UST: variants seen among roughly 807,000 people sequenced by gnomAD.
UST encodes uronyl 2-sulfotransferase.
In UST, 21 loss-of-function variants were observed where a neutral mutation model predicts 45.6. The ratio of observed to expected loss-of-function variants is 0.46; its 90% confidence interval spans 0.33 to 0.66. UST has a LOEUF of 0.66. UST is among the 30% of genes least tolerant of loss of function. The pLI, the probability that UST is intolerant of heterozygous loss-of-function variation, is 0.02. For missense variants in UST, 463 were observed against 512.4 expected, an observed-to-expected ratio of 0.90 and a Z score of 0.93; for synonymous variants, 215 against 200.6, an observed-to-expected ratio of 1.07 and a Z score of -0.61.
Position 148,877,553 on chromosome 6 carries a change from GA to G in UST, c.248-9432del, listed in dbSNP as rs141464989. Among the ~76,000 whole-genome samples, 382 of 109,508 alleles carry G rather than the reference GA, an allele frequency of 3.5e-3. 2 individuals are homozygous for G. The highest frequency in any genetic ancestry group is 4.3e-3 in the Middle Eastern group (1 of 232). The allele number at this position is 109,508 out of a possible 152,430, so 71.8% of individuals were successfully genotyped here. On this transcript the variant is annotated intron_variant, in intron 1 of 7. Transcript: ENST00000367463. ...CAGGGGATCGTGTTTGAGTGCAGGGGATCGTGTATGAGTGCAGGGGTCGTGT... is the reference window on the plus strand; with the variant it reads ...CAGGGGATCGTGTTTGAGTGCAGGGGTCGTGTATGAGTGCAGGGGTCGTGT...
At chr6:148,753,409 C>A (rs922539630) in intron 1 of UST, among the ~76,000 whole-genome samples, 2 of 152,142 alleles carry the variant, frequency 1.3e-5, no homozygotes, top group African/African-American at 4.8e-5. Flanking sequence ...TGATTGGCTT[C>A]TTTTACTTGA....
rs188397841 is a variant in UST, at chr6:148,989,943, G to A, written c.681+25380G>A. ...ATTTAGATGGAAGAATGTCTAAGTC[G>A]ATGAAAATCCAACTAAAGAAACATT... On this transcript the variant is annotated intron_variant, in intron 5 of 7. Coordinates refer to ENST00000367463, the MANE Select transcript of UST (RefSeq NM_005715.3). Among the ~76,000 whole-genome samples, 54 of 152,270 alleles carry A rather than the reference G, an allele frequency of 3.5e-4. No individual in the cohort carries two copies. The East Asian group carries it at 8.5e-3, about 24-fold the overall frequency.
chr6:148,956,351 C>T (rs1209115857), intron 4 of UST, among the ~76,000 whole-genome samples: 9 of 148,700 alleles, frequency 6.1e-5, no homozygotes, highest in South Asian at 2.2e-4. Flanking sequence ...TGGCAGGAGT[C>T]GAAAGGCACT....
At chr6:148,841,221 TA>T (rs1777881752) in intron 1 of UST, among the ~76,000 whole-genome samples, 1 of 152,174 alleles carries the variant, frequency 6.6e-6, no homozygotes, top group Non-Finnish European at 1.5e-5. Context: ...AGTGAATACA[TA>T]AAAATGATGA....
intron 7 of UST, among the ~76,000 whole-genome samples, chr6:149,062,892 A>T (rs191924235): frequency 6.6e-6 from 1 of 152,378 alleles, no homozygotes; most frequent in South Asian, 2.1e-4. Context: ...ACAGAGCCCT[A>T]TGAAAATGAG....
chr6:149,070,899 C>T (rs1012135196), intron 7 of UST, among the ~76,000 whole-genome samples: 3 of 152,158 alleles, frequency 2.0e-5, no homozygotes, highest in Non-Finnish European at 2.9e-5. Context: ...TCCCGAGTAG[C>T]TGGGACTACA....
intron 1 of UST, among the ~76,000 whole-genome samples, 177 bp from the exon 2 acceptor site, chr6:148,886,809 A>G (rs1433710671): frequency 1.3e-5 from 2 of 152,232 alleles, no homozygotes; most frequent in African/African-American, 4.8e-5. Flanking sequence ...ACTATTAATC[A>G]AACATAGTAA....
rs770973749 is a variant in UST at position 148,748,692 on chromosome 6, C to G, written c.247+1015C>G. 1.8e-4 allele frequency among the ~76,000 whole-genome samples: 28 copies of G among 151,916 alleles called. No homozygotes were observed. Among genetic ancestry groups the G allele is most frequent in the Non-Finnish European group, 3.7e-4 (25 of 67,984 alleles). On this transcript the variant is annotated intron_variant, in intron 1 of 7. Coordinates refer to ENST00000367463, the MANE Select transcript of UST (RefSeq NM_005715.3). The surrounding 1 kb of genome is among the most constrained non-coding windows in gnomAD (Gnocchi z 5.3). ...AAGTCTGTGGCCAGAAGAGGTCGTG[C>G]GGGGGTGAAGGCTGGGAGAGCTCCA...
chr6:148,901,828 G>C (rs1431197512), intron 2 of UST, among the ~76,000 whole-genome samples: 1 of 152,138 alleles, frequency 6.6e-6, no homozygotes, highest in Non-Finnish European at 1.5e-5. Context: ...CAAAGTGTTG[G>C]GATTACAGGC....
At chr6:148,899,660 C>T (rs1300613450) in intron 2 of UST, among the ~76,000 whole-genome samples, 3 of 152,224 alleles carry the variant, frequency 2.0e-5, no homozygotes, top group Admixed American at 6.5e-5. Context: ...TATGTTTAAT[C>T]AAAGTCGTGC....
chr6:148,914,994 C>A (rs1321997040), intron 2 of UST, among the ~76,000 whole-genome samples: 3 of 151,902 alleles, frequency 2.0e-5, no homozygotes, highest in African/African-American at 7.3e-5. Flanking sequence ...TGGTGACTGC[C>A]TGATTCCTGG....
intron 2 of UST, among the ~76,000 whole-genome samples, chr6:148,889,063 T>A (rs1033400289): frequency 4.6e-5 from 7 of 152,244 alleles, no homozygotes; most frequent in African/African-American, 1.7e-4. Flanking sequence ...TGAGCCAGTA[T>A]TCTCAAACTT....
At chr6:149,070,018 A>G (rs1378506942) in intron 7 of UST, among the ~76,000 whole-genome samples, 1 of 152,238 alleles carries the variant, frequency 6.6e-6, no homozygotes, top group Non-Finnish European at 1.5e-5. Context: ...ACTTCTTTAC[A>G]AGGATCTAGG....
chr6:148,894,553 C>A (rs897866123), intron 2 of UST, among the ~76,000 whole-genome samples: 1 of 152,232 alleles, frequency 6.6e-6, no homozygotes, highest in South Asian at 2.1e-4. Context: ...CCCCTCCAAA[C>A]CCCCAGGCAG....
At chr6:148,824,355 C>T (rs1777527760) in intron 1 of UST, among the ~76,000 whole-genome samples, 1 of 152,186 alleles carries the variant, frequency 6.6e-6, no homozygotes, top group African/African-American at 2.4e-5. Flanking sequence ...AGTATAGGTA[C>T]AGTAAGAGAC....
intron 1 of UST, among the ~76,000 whole-genome samples, chr6:148,869,413 C>T (rs369675384): frequency 2.0e-5 from 3 of 152,178 alleles, no homozygotes; most frequent in South Asian, 2.1e-4. Flanking sequence ...CACCATCAGG[C>T]TCATGTGTTA....
intron 1 of UST, among the ~76,000 whole-genome samples, chr6:148,780,487 G>A (rs1372581771): frequency 1.3e-5 from 2 of 152,032 alleles, no homozygotes; most frequent in Admixed American, 1.3e-4. Context: ...CCCTCTTTGT[G>A]TCCATGTGTT....
chr6:148,912,709 G>A (rs1432235439), intron 2 of UST, among the ~76,000 whole-genome samples: 1 of 152,220 alleles, frequency 6.6e-6, no homozygotes. Context: ...AAGAGGATGT[G>A]TTTTATTTTT....
chr6:149,018,808 C>G (rs193260445), intron 5 of UST, among the ~76,000 whole-genome samples: 16 of 152,234 alleles, frequency 1.1e-4, no homozygotes, highest in Non-Finnish European at 1.9e-4. Context: ...TGGCTGGCAA[C>G]TGGTGGCGCC....
Sources: gnomAD v4.1 joint callset for allele counts (sites outside exome capture counted in the v4.1 genomes callset) on GRCh38, gnomAD v4.1.1 for gene constraint, Gnocchi (gnomAD v3.1) non-coding constraint, MANE v1.5 for transcripts, NCBI Gene and HGNC (gene_info 2026-07-23, HGNC 2026-07-21) for gene names.